Variants in DTYMK observed in about 807,000 individuals in gnomAD.
The protein encoded by DTYMK is thymidylate kinase.
Under a neutral mutation model 20.3 loss-of-function variants are expected in DTYMK, and 20 were observed. The ratio of observed to expected loss-of-function variants is 0.99; its 90% CI spans 0.69 to 1.43. The LOEUF (loss-of-function observed/expected upper bound fraction) is 1.43. Among genes scored for constraint, DTYMK ranks in the 40% most tolerant of loss-of-function variants. DTYMK has a pLI of 0.00. For missense variants in DTYMK, 320 were observed against 291.1 expected (o/e 1.10, Z -0.72); for synonymous variants, 148 against 124.4 (o/e 1.19, Z -1.27).
chr2:241,685,922 T>C, intron 1 of DTYMK, 45 bp from the exon 2 acceptor site: 1 of 1,581,264 alleles, frequency 6.3e-7, no homozygotes, highest in Non-Finnish European at 8.7e-7. Flanking sequence ...AGATCAGGCT[T>C]TCCCTCTATA....
intron 2 of DTYMK, among the ~76,000 whole-genome samples, chr2:241,684,074 AAAC>A (rs1221108627): frequency 6.6e-6 from 1 of 152,092 alleles, no homozygotes; most frequent in Non-Finnish European, 1.5e-5. Context: ...AACCAAAACA[AAAC>A]AACAAAAAAA....
Position 241,676,145 on chromosome 2 carries a change from C to A in DTYMK, c.621G>T (p.Leu207=). 1 of 1,612,354 alleles carries A rather than the reference C, an allele frequency of 6.2e-7. No individual in the cohort carries two copies. Among genetic ancestry groups the A allele is most frequent in the Admixed American group, 1.7e-5 (1 of 59,964 alleles). The part of the protein sequence containing the change: ...DAIRTATEKP[L]GELWK ...CCTTGGGTCACTTCCATAGCTCCCC[C>A]AGCGGCTTCTCTGTGGCAGTGCGGA... The change falls in exon 5 of 5, where the codon CTG becomes CTT. Residue 207 remains leucine (L), a synonymous_variant. Transcript: ENST00000305784.
chr2:241,678,742 G>A (rs2069175380), intron 3 of DTYMK, 93 bp from the exon 4 acceptor site: 1 of 1,416,658 alleles, frequency 7.1e-7, no homozygotes, highest in African/African-American at 1.4e-5. Context: ...GGGACATTTG[G>A]TGAGGTACCA....
intron 3 of DTYMK, 44 bp from the exon 4 acceptor site, chr2:241,678,693 G>C (rs779606594): frequency 6.3e-7 from 1 of 1,596,886 alleles, no homozygotes; most frequent in Non-Finnish European, 8.6e-7. Flanking sequence ...TGTAGTCTAG[G>C]TTTTTGTTTC....
intron 2 of DTYMK, 95 bp from the exon 3 acceptor site, chr2:241,680,414 C>G (rs2069230015): frequency 7.5e-6 from 10 of 1,330,202 alleles, no homozygotes; most frequent in Admixed American, 1.9e-5. Flanking sequence ...CAGTGGCTCA[C>G]CCCTATAATC....
At chr2:241,680,367 G>T in intron 2 of DTYMK, 48 bp from the exon 3 acceptor site, 1 of 1,599,716 alleles carries the variant, frequency 6.3e-7, no homozygotes, top group South Asian at 1.1e-5. Flanking sequence ...CATAGGCCTT[G>T]AACTGTCAAG....
At chr2:241,683,973 C>G in intron 2 of DTYMK, among the ~76,000 whole-genome samples, 1 of 152,096 alleles carries the variant, frequency 6.6e-6, no homozygotes, top group Non-Finnish European at 1.5e-5. Flanking sequence ...AGGAGAAATG[C>G]TTGAACCCGG....
intron 1 of DTYMK, 53 bp from the exon 2 acceptor site, chr2:241,685,930 A>G (rs2069385023): frequency 2.6e-6 from 4 of 1,553,132 alleles, no homozygotes; most frequent in Non-Finnish European, 3.5e-6. Context: ...CTTTCCCTCT[A>G]TATTACAATA....
chr2:241,686,003 T>G, intron 1 of DTYMK, 126 bp from the exon 2 acceptor site: 1 of 900,542 alleles, frequency 1.1e-6, no homozygotes, highest in Non-Finnish European at 1.7e-6. Flanking sequence ...ACTAAATCTC[T>G]AGACAGGCTT....
rs563182182 is a variant in DTYMK, at chr2:241,678,566, C to T, written c.414G>A (p.Ala138=). The T allele has an allele frequency of 2.6e-4, 414 of 1,614,186 alleles. 3 individuals carry two copies. The South Asian group carries it at 3.2e-3, about 12-fold the overall frequency. The part of the protein sequence containing the change: ...DLVLFLQLQL[A]DAAKRGAFGH... The stretch of plus-strand genomic sequence containing the variant: ...CAAACGCTCCCCGCTTGGCAGCATC[C>T]GCCAGCTGTAACTGGAGGAACAGGA... Residue 138 remains alanine, a synonymous_variant, in exon 4 of 5, where the codon GCG becomes GCA. Transcript: ENST00000305784.
chr2:241,678,392 C>A (rs1248547720), intron 4 of DTYMK, 60 bp downstream of exon 4: 1 of 1,604,862 alleles, frequency 6.2e-7, no homozygotes, highest in African/African-American at 1.3e-5. Flanking sequence ...TGCCAGCCAC[C>A]ACGGTGTCAT....
intron 4 of DTYMK, 126 bp downstream of exon 4, chr2:241,678,326 G>A (rs1408125418): frequency 6.8e-6 from 9 of 1,332,726 alleles, no homozygotes; most frequent in Non-Finnish European, 9.3e-6. Context: ...CTACTCCCGG[G>A]GCTCCACATC....
At chr2:241,684,815 A>G in intron 2 of DTYMK, 1 of 437,306 alleles carries the variant, frequency 2.3e-6, no homozygotes. Context: ...CTAATGTATC[A>G]ATATTGGTTA....
rs1231538008 is a variant in DTYMK at position 241,686,685 on chromosome 2, C to G, written c.99G>C (p.Ala33=). 33 of 1,532,268 alleles carry G rather than the reference C, an allele frequency of 2.2e-5. No individual in the cohort carries two copies. The highest frequency in any genetic ancestry group is 2.9e-5 in the Non-Finnish European group (33 of 1,150,936). 94.9% of individuals were successfully genotyped at this position (1,532,268 alleles called of 1,614,324 possible). A position where few individuals can be genotyped will look rare whatever the true frequency, so the allele number is the denominator to read the frequency against. ...ACCGGAGCAGTTCGGCGCGGTGGCC[C>G]GCGGCGCACAGCGCTTCCACCAGCT... ...SRKLVEALCA[A]GHRAELLRFP... Residue 33 remains alanine, a synonymous_variant, in exon 1 of 5, where the codon GCG becomes GCC. Transcript: ENST00000305784.
chr2:241,677,159 A>G (rs4675907), intron 4 of DTYMK, among the ~76,000 whole-genome samples: 38,314 of 152,124 alleles, frequency 0.25, 4,885 homozygotes, highest in East Asian at 0.3. Flanking sequence ...CTTCTGGGAC[A>G]GCAAATTCTA....
At chr2:241,677,079 G>GACTC (rs1226991338) in intron 4 of DTYMK, among the ~76,000 whole-genome samples, 1 of 152,260 alleles carries the variant, frequency 6.6e-6, no homozygotes, top group Non-Finnish European at 1.5e-5. Context: ...CAGTGAGAGG[G>GACTC]ACTCAGAAGC....
At chr2:241,679,465 C>G (rs1052812257) in intron 3 of DTYMK, among the ~76,000 whole-genome samples, 2 of 152,182 alleles carry the variant, frequency 1.3e-5, no homozygotes, top group African/African-American at 4.8e-5. Flanking sequence ...GAAGAAATGG[C>G]AGAATTAAAA....
intron 3 of DTYMK, among the ~76,000 whole-genome samples, chr2:241,679,861 C>T (rs556973709): frequency 3.8e-4 from 58 of 150,746 alleles, no homozygotes; most frequent in African/African-American, 1.3e-3. Context: ...CCCAGATACT[C>T]GGGAGACTGA....
At chr2:241,677,504 A>G (rs2069144308) in intron 4 of DTYMK, among the ~76,000 whole-genome samples, 1 of 152,254 alleles carries the variant, frequency 6.6e-6, no homozygotes. Context: ...GGAGGAGCTC[A>G]AGGGACTGAA....
Sources: allele counts gnomAD v4.1 joint callset (sites outside exome capture counted in the v4.1 genomes callset), GRCh38; gene constraint gnomAD v4.1.1; transcripts MANE v1.5; gene names NCBI Gene and HGNC (gene_info 2026-07-23, HGNC 2026-07-21).